SLC9A9: variants seen among roughly 807,000 people sequenced by gnomAD.
SLC9A9 encodes solute carrier family 9 member A9, also known as sodium/hydrogen exchanger 9.
A neutral mutation model predicts 77.8 loss-of-function variants in SLC9A9; 62 were observed. The observed-to-expected ratio is 0.80, with a 90% CI of 0.65 to 0.98. The LOEUF (loss-of-function observed/expected upper bound fraction) is 0.98. Ranked by LOEUF, SLC9A9 falls within the 50% of genes least tolerant of loss-of-function variation. The probability of loss-of-function intolerance (pLI) is 0.00; values close to 1 mark genes in which losing one functional copy is unlikely to be tolerated. For synonymous variants in SLC9A9, 320 were observed against 283.5 expected, an observed-to-expected ratio of 1.13 and a Z score of -1.29; for missense variants, 775 against 774.9, an observed-to-expected ratio of 1.00 and a Z score of 0.00.
chr3:143,317,817 T>C (rs1035623288), intron 14 of SLC9A9, among the ~76,000 whole-genome samples: 1 of 152,166 alleles, frequency 6.6e-6, no homozygotes, highest in African/African-American at 2.4e-5. Context: ...AAGCTCTGCC[T>C]CCCAGGTTCA....
intron 12 of SLC9A9, among the ~76,000 whole-genome samples, chr3:143,402,208 T>A (rs1457882076): frequency 6.6e-6 from 1 of 152,208 alleles, no homozygotes. Flanking sequence ...TAAAAAAATT[T>A]AATTTGGCAT....
chr3:143,535,391 T>G (rs2036575801), intron 9 of SLC9A9, among the ~76,000 whole-genome samples: 1 of 152,232 alleles, frequency 6.6e-6, no homozygotes, highest in South Asian at 2.1e-4. Context: ...TCTTTTTGCT[T>G]TCTGACAACG....
intron 4 of SLC9A9, among the ~76,000 whole-genome samples, chr3:143,744,748 G>A (rs1935164792): frequency 1.3e-5 from 2 of 152,124 alleles, no homozygotes; most frequent in African/African-American, 4.8e-5. Flanking sequence ...TCCTGAATCA[G>A]GCAAATGAAT....
intron 12 of SLC9A9, among the ~76,000 whole-genome samples, chr3:143,394,339 C>G (rs1417960243): frequency 6.6e-6 from 1 of 152,050 alleles, no homozygotes; most frequent in Non-Finnish European, 1.5e-5. Flanking sequence ...TAAACAGAAC[C>G]AAAGACAAAA....
At chr3:143,317,850 C>A (rs1414525051) in intron 14 of SLC9A9, among the ~76,000 whole-genome samples, 1 of 152,164 alleles carries the variant, frequency 6.6e-6, no homozygotes, top group Non-Finnish European at 1.5e-5. Flanking sequence ...GCTTCAGCCT[C>A]CCGAGTAGCT....
At position 143,440,205 on chromosome 3, in the gene SLC9A9, G is replaced by A. The variant is rs559496444; in HGVS notation, c.1469+26832C>T. 1.2e-4 allele frequency among the ~76,000 whole-genome samples: 18 copies of A among 152,300 alleles called. 1 individual carries two copies. In the South Asian group the frequency reaches 3.3e-3, roughly 28 times the overall value. On this transcript the variant is annotated intron_variant, in intron 12 of 15. Coordinates refer to ENST00000316549, the MANE Select transcript of SLC9A9 (RefSeq NM_173653.4). ...TCTCTTCTGCAGGGAGACCCACCTA[G>A]GGATTTTACAAGTGCTGAAAACACA...
chr3:143,491,422 A>G (rs779397488), intron 11 of SLC9A9, among the ~76,000 whole-genome samples: 2 of 152,218 alleles, frequency 1.3e-5, no homozygotes, highest in Non-Finnish European at 2.9e-5. Context: ...AAACAGCCGT[A>G]GACAGTAAGT....
At chr3:143,838,726 G>A (rs971141303) in intron 1 of SLC9A9, among the ~76,000 whole-genome samples, 3 of 152,088 alleles carry the variant, frequency 2.0e-5, no homozygotes, top group African/African-American at 7.2e-5. Flanking sequence ...TTAAGGCAGG[G>A]AATCTGTGAC....
intron 14 of SLC9A9, among the ~76,000 whole-genome samples, chr3:143,326,047 A>T (rs1399611289): frequency 6.6e-6 from 1 of 152,200 alleles, no homozygotes; most frequent in Non-Finnish European, 1.5e-5. Flanking sequence ...ATTCATTTGT[A>T]TGTGAGTATT....
intron 9 of SLC9A9, chr3:143,503,713 A>G (rs1290967838): frequency 8.0e-6 from 3 of 374,142 alleles, no homozygotes; most frequent in Admixed American, 3.3e-5. Flanking sequence ...GCGGCCACCC[A>G]TGGTCTTCTA....
intron 9 of SLC9A9, among the ~76,000 whole-genome samples, chr3:143,520,221 C>T (rs1030460237): frequency 3.9e-5 from 6 of 152,188 alleles, no homozygotes; most frequent in African/African-American, 1.4e-4. Flanking sequence ...GAAGCACTCA[C>T]TAATCCCTAC....
chr3:143,428,418 C>T (rs958793321), intron 12 of SLC9A9, among the ~76,000 whole-genome samples: 1 of 152,090 alleles, frequency 6.6e-6, no homozygotes, highest in Non-Finnish European at 1.5e-5. Flanking sequence ...ATCAAAAAGA[C>T]CTCCCCACCC....
intron 14 of SLC9A9, among the ~76,000 whole-genome samples, chr3:143,289,752 C>A (rs1180857628): frequency 1.3e-5 from 2 of 152,202 alleles, no homozygotes; most frequent in Non-Finnish European, 2.9e-5. Flanking sequence ...GTGGCTGCAA[C>A]CACCTTCTCA....
At position 143,686,623 on chromosome 3, in the gene SLC9A9, C is replaced by T. The variant is rs565983623; in HGVS notation, c.649+6569G>A. Among the ~76,000 whole-genome samples the T allele has an allele frequency of 2.2e-4, 33 of 152,266 alleles. No individual in the cohort carries two copies. The South Asian group carries it at 6.6e-3, about 31-fold the overall frequency. On this transcript the variant is annotated intron_variant, in intron 5 of 15. Transcript: ENST00000316549. ...GCTTGTATCTCCACATATCTTTACA[C>T]ACCTTAAGGACTCCCCTCTTTATCC...
intron 5 of SLC9A9, among the ~76,000 whole-genome samples, chr3:143,656,647 C>T (rs1451190478): frequency 1.3e-5 from 2 of 152,124 alleles, no homozygotes; most frequent in Non-Finnish European, 2.9e-5. Flanking sequence ...CAAGATCTGC[C>T]TAGGTCGAAG....
At chr3:143,722,770 A>G (rs549633932) in intron 4 of SLC9A9, among the ~76,000 whole-genome samples, 1 of 152,292 alleles carries the variant, frequency 6.6e-6, no homozygotes, top group Admixed American at 6.5e-5. Context: ...TCTCTGTGCT[A>G]CATTTTCCAA....
chr3:143,305,311 G>A (rs577812787), intron 14 of SLC9A9, among the ~76,000 whole-genome samples: 6 of 152,290 alleles, frequency 3.9e-5, no homozygotes. Context: ...TGCTGCTGAT[G>A]GGAATGGACA....
At chr3:143,392,001 A>G (rs976293960) in intron 12 of SLC9A9, among the ~76,000 whole-genome samples, 3 of 150,938 alleles carry the variant, frequency 2.0e-5, no homozygotes, top group African/African-American at 2.4e-5. Flanking sequence ...TGATGGGGAG[A>G]ATGGAATCAA....
chr3:143,544,074 A>G (rs1292152670), intron 9 of SLC9A9, among the ~76,000 whole-genome samples: 3 of 152,126 alleles, frequency 2.0e-5, no homozygotes, highest in African/African-American at 7.2e-5. Flanking sequence ...TGACTGGTGT[A>G]AGATAATATC....
Sources: allele counts gnomAD v4.1 joint callset (sites outside exome capture counted in the v4.1 genomes callset), GRCh38; gene constraint gnomAD v4.1.1; transcripts MANE v1.5; gene names NCBI Gene and HGNC (gene_info 2026-07-23, HGNC 2026-07-21).